The following NT5C2 variants were observed in gnomAD, a reference collection of about 807,000 sequenced individuals.
NT5C2 encodes the protein cytosolic purine 5'-nucleotidase.
NT5C2 carries 58 observed loss-of-function variants against 76.1 expected under a neutral mutation model. The observed-to-expected ratio is 0.76, with a 90% CI of 0.62 to 0.95. The LOEUF (loss-of-function observed/expected upper bound fraction) is 0.95. NT5C2 is among the 40% of genes least tolerant of loss of function. NT5C2 has a pLI of 0.00. For missense variants in NT5C2, 478 were observed against 690.3 expected (o/e 0.69, Z 3.45); for synonymous variants, 229 against 237.4 (o/e 0.96, Z 0.32).
chr10:103,172,654 G>A (rs930192740), intron 3 of NT5C2, among the ~76,000 whole-genome samples: 4 of 152,034 alleles, frequency 2.6e-5, no homozygotes, highest in Non-Finnish European at 4.4e-5. Flanking sequence ...TGGCCAACAT[G>A]GCGAAACTCC....
At chr10:103,190,735 C>T (rs1164463248) in intron 1 of NT5C2, among the ~76,000 whole-genome samples, 1 of 152,156 alleles carries the variant, frequency 6.6e-6, no homozygotes, top group African/African-American at 2.4e-5. Flanking sequence ...GCTCACGTCA[C>T]TCAACATATG....
intron 5 of NT5C2, among the ~76,000 whole-genome samples, chr10:103,106,132 A>T (rs892588183): frequency 3.3e-5 from 5 of 152,162 alleles, no homozygotes; most frequent in Non-Finnish European, 5.9e-5. Flanking sequence ...GAAGGCTTAT[A>T]TTTTTCTCCA....
chr10:103,165,574 CTTTTT>C (rs35898850), intron 3 of NT5C2, among the ~76,000 whole-genome samples: 3 of 109,266 alleles, frequency 2.7e-5, no homozygotes, highest in Non-Finnish European at 3.7e-5. Context: ...CCACCTGTGG[CTTTTT>C]TTTTTTTTTT....
intron 3 of NT5C2, among the ~76,000 whole-genome samples, chr10:103,165,949 C>A (rs1362201476): frequency 6.6e-6 from 1 of 152,210 alleles, no homozygotes; most frequent in Non-Finnish European, 1.5e-5. Flanking sequence ...GGATTACAGG[C>A]GTGAGCCACC....
intron 3 of NT5C2, among the ~76,000 whole-genome samples, chr10:103,151,464 T>TAA (rs371652593): frequency 0.12 from 16,118 of 138,970 alleles, 1,122 homozygotes; most frequent in East Asian, 0.22. Context: ...AACCTGTTCT[T>TAA]AAAAAAAAAA....
At chr10:103,180,522 A>T (rs2135201979) in intron 2 of NT5C2, among the ~76,000 whole-genome samples, 1 of 152,314 alleles carries the variant, frequency 6.6e-6, no homozygotes, top group South Asian at 2.1e-4. Flanking sequence ...GCTTGAACCC[A>T]GGAGTTCAAG....
intron 3 of NT5C2, among the ~76,000 whole-genome samples, chr10:103,151,394 G>A (rs1565195085): frequency 1.3e-5 from 2 of 151,816 alleles, no homozygotes; most frequent in South Asian, 2.1e-4. Context: ...CAACCTGGAG[G>A]TGGAGGTTGC....
intron 6 of NT5C2, chr10:103,105,347 T>A: frequency 1.2e-6 from 1 of 869,348 alleles, no homozygotes; most frequent in South Asian, 2.6e-5. Flanking sequence ...AAAGCATTTT[T>A]ATATACATAC....
chr10:103,126,369 A>C (rs904636559), intron 4 of NT5C2, among the ~76,000 whole-genome samples: 1 of 152,200 alleles, frequency 6.6e-6, no homozygotes, highest in Non-Finnish European at 1.5e-5. Context: ...CACATCTGTA[A>C]TCCCAGCACT....
chr10:103,143,913 C>A (rs1342093353), intron 3 of NT5C2, among the ~76,000 whole-genome samples: 1 of 152,040 alleles, frequency 6.6e-6, no homozygotes, highest in African/African-American at 2.4e-5. Context: ...TGAGATCGTG[C>A]CACTGCATTC....
intron 4 of NT5C2, among the ~76,000 whole-genome samples, chr10:103,133,978 T>A (rs866678841): frequency 6.6e-6 from 1 of 152,102 alleles, no homozygotes; most frequent in South Asian, 2.1e-4. Flanking sequence ...TTGAGAGAGA[T>A]GATTTAGGGT....
intron 11 of NT5C2, among the ~76,000 whole-genome samples, chr10:103,096,383 A>G (rs1590714541): frequency 6.6e-6 from 1 of 152,180 alleles, no homozygotes; most frequent in Admixed American, 6.5e-5. Flanking sequence ...GTTTACTACA[A>G]ATCACCAGGT....
At chr10:103,149,225 T>C (rs1027768834) in intron 3 of NT5C2, among the ~76,000 whole-genome samples, 3 of 152,200 alleles carry the variant, frequency 2.0e-5, no homozygotes, top group African/African-American at 7.2e-5. Context: ...TTGCCAGATA[T>C]AGCCCAGTTT....
intron 3 of NT5C2, chr10:103,146,190 T>C: frequency 1.0e-6 from 1 of 985,426 alleles, no homozygotes; most frequent in Non-Finnish European, 1.2e-6. Flanking sequence ...AAAGCATGTA[T>C]CTTCCGAGAC....
chr10:103,156,547 G>A (rs2083430395), intron 3 of NT5C2, among the ~76,000 whole-genome samples: 1 of 151,650 alleles, frequency 6.6e-6, no homozygotes, highest in Non-Finnish European at 1.5e-5. Context: ...CTGAGGTCAG[G>A]AGTTCTAAGA....
chr10:103,162,320 G>T (rs1778389887), intron 3 of NT5C2, among the ~76,000 whole-genome samples: 1 of 151,938 alleles, frequency 6.6e-6, no homozygotes, highest in African/African-American at 2.4e-5. Context: ...CACTGAAGCT[G>T]CTATTTTTTA....
chr10:103,174,892 C>T lies in NT5C2; in HGVS notation c.67G>A (p.Ala23Thr), dbSNP rs752470288. 1 of 1,613,568 alleles carries T rather than the reference C, an allele frequency of 6.2e-7. No homozygotes were observed. Among genetic ancestry groups the T allele is most frequent in the Non-Finnish European group, 8.5e-7 (1 of 1,179,628 alleles). The change falls in exon 3 of 19, where the codon GCC becomes ACC. Residue 23 changes from alanine to threonine, a missense_variant. Physicochemically the swap from Ala to Thr is moderately conservative, Grantham distance 58 (BLOSUM62 0). Transcript: ENST00000404739. ...ADMPANMDKH[A>T]LKKYRREAYH... Reference sequence around the variant, plus strand: ...GCTTCTCGACGATACTTTTTCAGGGCATGCTTATCCATGTTAGCAGGCATA... The same window carrying T: ...GCTTCTCGACGATACTTTTTCAGGGTATGCTTATCCATGTTAGCAGGCATA...
intron 4 of NT5C2, among the ~76,000 whole-genome samples, chr10:103,119,970 G>A (rs960848188): frequency 7.9e-5 from 12 of 151,926 alleles, no homozygotes; most frequent in Admixed American, 3.3e-4. Flanking sequence ...ATGATGGCAC[G>A]AGCCTATAGT....
At chr10:103,137,858 G>C (rs2079589765) in intron 4 of NT5C2, among the ~76,000 whole-genome samples, 1 of 152,136 alleles carries the variant, frequency 6.6e-6, no homozygotes, top group South Asian at 2.1e-4. Flanking sequence ...GAGAAGGAAG[G>C]GAAAAACAGC....
Sources: gnomAD v4.1 joint callset for allele counts (sites outside exome capture counted in the v4.1 genomes callset) on GRCh38, gnomAD v4.1.1 for gene constraint, MANE v1.5 for transcripts, NCBI Gene and HGNC (gene_info 2026-07-23, HGNC 2026-07-21) for gene names.